Variants in SPEG observed in about 807,000 individuals in gnomAD.
SPEG encodes striated muscle preferentially expressed protein kinase.
Under a neutral mutation model 300.4 loss-of-function variants are expected in SPEG, and 114 were observed. The ratio of observed to expected loss-of-function variants is 0.38; its 90% CI spans 0.33 to 0.44. SPEG has a LOEUF of 0.44. Among genes scored for constraint, SPEG ranks in the 20% least tolerant of loss-of-function variants. The pLI, the probability that SPEG is intolerant of heterozygous loss-of-function variation, is 1.00. For synonymous variants in SPEG, 1,964 were observed against 2,018.9 expected (o/e 0.97, Z 0.73); for missense variants, 4,201 against 4,586.2 (o/e 0.92, Z 2.43).
chr2:219,488,897 G>C lies in SPEG; in HGVS notation c.8146G>C (p.Asp2716His). The C allele has an allele frequency of 6.3e-7, 1 of 1,583,588 alleles. No homozygotes were observed. The highest frequency in any genetic ancestry group is 8.6e-7 in the Non-Finnish European group (1 of 1,164,522). ...PCTYTLERRV[D>H]GESVWHPVSS... ...CACGTATACGCTGGAGCGGCGAGTG[G>C]ATGGTGAGGATGGGGCAGCTGGAGG... Residue 2716 changes from aspartate to histidine, a missense_variant, in exon 34 of 41, where the codon GAT becomes CAT. Around this residue, in one of 4 missense-constraint regions of SPEG, gnomAD observed 1,578 missense variants for 1,506.0 expected, o/e 1.05. Transcript: ENST00000312358.
In SPEG at chr2:219,473,585, C is replaced by T; in HGVS notation, c.4229C>T (p.Thr1410Ile). The T allele has an allele frequency of 6.2e-7, 1 of 1,614,238 alleles. No individual in the cohort carries two copies. The highest frequency in any genetic ancestry group is 1.3e-5 in the African/African-American group (1 of 75,074). Residue 1410 changes from threonine (T) to isoleucine (I), a missense_variant, in exon 17 of 41, where the codon ACC becomes ATC. Physicochemically the swap from Thr to Ile is moderately conservative, Grantham distance 89 (BLOSUM62 -1). This residue lies in a region of SPEG where 1,047 missense variants were observed against 1,356.8 expected (regional missense o/e 0.77). Transcript: ENST00000312358. The surrounding 1 kb of genome is among the most constrained non-coding windows in gnomAD (Gnocchi z 4.6). ...YVVEGQPASV[T>I]VTFNHVEAQV... ...GTGGAGGGACAGCCTGCCAGCGTCACCGTCACATTCAACCATGTGGAGGCC... is the reference window on the plus strand; with the variant it reads ...GTGGAGGGACAGCCTGCCAGCGTCATCGTCACATTCAACCATGTGGAGGCC...
In SPEG at chr2:219,488,492, C is replaced by T; in HGVS notation, c.7859-6C>T. On this transcript the variant is annotated splice_region_variant and splice_polypyrimidine_tract_variant and intron_variant, in intron 32 of 40. Transcript: ENST00000312358. ...AGCAGCAACTCCTGCTCCTCCCTGT[C>T]CCCAGACAAGAAGTCCTTGAGGTCA... The T allele has an allele frequency of 6.4e-7, 1 of 1,560,914 alleles. No homozygotes were observed. The highest frequency in any genetic ancestry group is 1.2e-5 in the South Asian group (1 of 83,022).
chr2:219,483,045 G>A (rs910925650), intron 29 of SPEG, 53 bp from the exon 30 acceptor site: 10 of 1,552,496 alleles, frequency 6.4e-6, no homozygotes, highest in Middle Eastern at 1.7e-4. Flanking sequence ...GCCTGGGGGG[G>A]ACAATCCTGC....
chr2:219,489,446 G>A lies in SPEG; in HGVS notation c.8428G>A (p.Ala2810Thr), dbSNP rs1302234584. The change falls in exon 36 of 41, where the codon GCT becomes ACT. Residue 2810 changes from alanine to threonine, a missense_variant. By Grantham distance (58) the Ala-to-Thr change is moderately conservative. Transcript: ENST00000312358. ...CTCACTGGCCCCACCCCTAGCTCCT[G>A]CTGCCCCCACACCCCCGTCAGTCAC... ...PTSLAPPLAP[A>T]APTPPSVTVS... is the part of the protein sequence containing the mutation. 1 of 1,608,548 alleles carries A rather than the reference G, an allele frequency of 6.2e-7. No individual in the cohort carries two copies. The highest frequency in any genetic ancestry group is 2.2e-5 in the East Asian group (1 of 44,684).
chr2:219,493,376 G>T lies in SPEG; in HGVS notation c.*590G>T. 2.8e-6 allele frequency: 1 copy of T among 360,600 alleles called. No homozygotes were observed. Among genetic ancestry groups the T allele is most frequent in the Non-Finnish European group, 5.5e-6 (1 of 181,118 alleles). 22.3% of individuals were successfully genotyped at this position (360,600 alleles called of 1,614,324 possible). A position where few individuals can be genotyped will look rare whatever the true frequency, so the allele number is the denominator to read the frequency against. On this transcript the variant is annotated 3_prime_UTR_variant, in exon 41 of 41. Coordinates refer to ENST00000312358, the MANE Select transcript of SPEG (RefSeq NM_005876.5). ...CAGAGGAGAAATGTGGAGAGCTGGA[G>T]GCCAGCAGTCACTCACACTCGCTCT...
chr2:219,492,161 C>A lies in SPEG; in HGVS notation c.9512C>A (p.Ala3171Asp), dbSNP rs201945260. 1.7e-4 allele frequency: 273 copies of A among 1,613,644 alleles called. No homozygotes were observed. The highest frequency in any genetic ancestry group is 2.3e-4 in the Non-Finnish European group (266 of 1,179,894). The change falls in exon 40 of 41, where the codon GCT becomes GAT. Residue 3171 changes from alanine (A) to aspartate (D), a missense_variant. By Grantham distance (126) the Ala-to-Asp change is moderately radical. Around this residue, in one of 4 missense-constraint regions of SPEG, gnomAD observed 318 missense variants for 429.5 expected, o/e 0.74. Transcript: ENST00000312358. ...GAGCCAGACCCCCAGGAAACGGAGG[C>A]TCGGATTGTGGGGGGCCGCTTTGAT... Reference protein sequence around the residue: ...FYEPDPQETEARIVGGRFDAF... With the variant: ...FYEPDPQETEDRIVGGRFDAF...
At position 219,488,251 on chromosome 2, in the gene SPEG, C is replaced by T. The variant is rs770002889; in HGVS notation, c.7799C>T (p.Ala2600Val). The change falls in exon 32 of 41, where the codon GCA (alanine) becomes GTA (valine). Residue 2600 changes from alanine (A) to valine (V), a missense_variant. Transcript: ENST00000312358. ...GACCAGGTGCTGCTGGAGGGGGAGG[C>T]AGCCACCCTGCTCTGCCTGCCAGCG... ...LKDQVLLEGE[A>V]ATLLCLPAAC... 2.5e-6 allele frequency: 4 copies of T among 1,613,296 alleles called. No homozygotes were observed. The highest frequency in any genetic ancestry group is 3.4e-6 in the Non-Finnish European group (4 of 1,179,760).
intron 1 of SPEG, among the ~76,000 whole-genome samples, chr2:219,436,943 AT>A (rs1954734939): frequency 6.6e-6 from 1 of 152,080 alleles, no homozygotes; most frequent in Non-Finnish European, 1.5e-5. Context: ...TGGGGGAGAG[AT>A]TAGGGAAGGG....
rs1689795862 is a variant in SPEG at position 219,451,968 on chromosome 2, G to A, written c.2440+161G>A. 6.6e-6 allele frequency among the ~76,000 whole-genome samples: 1 copy of A among 152,234 alleles called. No individual in the cohort carries two copies. The highest frequency in any genetic ancestry group is 2.4e-5 in the African/African-American group (1 of 41,468). ...CCTTCTGGGTGTCGGCAGCTTTGGT[G>A]AAAGCGTTTTAAATGGCCCTGGCCT... is the stretch of plus-strand genomic sequence containing the variant. On this transcript the variant is annotated intron_variant, in intron 6 of 40. Coordinates refer to ENST00000312358, the MANE Select transcript of SPEG (RefSeq NM_005876.5). The surrounding 1 kb of genome is among the most constrained non-coding windows in gnomAD (Gnocchi z 6.4).
chr2:219,473,134 T>G lies in SPEG; in HGVS notation c.4147+38T>G. ...GCTCCTGTCGGGTGGGGGTGGGAGC[T>G]GCTGGGATGGGGAATGGGGGCCCTG... is the stretch of plus-strand genomic sequence containing the variant. On this transcript the variant is annotated intron_variant, in intron 16 of 40. Transcript: ENST00000312358. This position sits in a 1 kb window ranked among gnomAD's most constrained non-coding sequence, Gnocchi z 4.6. 6.3e-7 allele frequency: 1 copy of G among 1,584,508 alleles called. No homozygotes were observed. The highest frequency in any genetic ancestry group is 1.1e-5 in the South Asian group (1 of 88,842).
In SPEG at chr2:219,464,695, G is replaced by A. The variant is rs1691096485; in HGVS notation, c.2881+87G>A. The stretch of plus-strand genomic sequence containing the variant: ...CTGCTCTCACACAGCCTCAGTTAGA[G>A]GATGCCACCACTGAAAGGGCCTTAA... On this transcript the variant is annotated intron_variant, in intron 9 of 40. Transcript: ENST00000312358. The surrounding 1 kb of genome is among the most constrained non-coding windows in gnomAD (Gnocchi z 4.5). 1 of 1,393,732 alleles carries A rather than the reference G, an allele frequency of 7.2e-7. No individual in the cohort carries two copies. The highest frequency in any genetic ancestry group is 1.0e-6 in the Non-Finnish European group (1 of 1,002,632). The allele number at this position is 1,393,732 out of a possible 1,614,324, so 86.3% of individuals were successfully genotyped here. A position where few individuals can be genotyped will look rare whatever the true frequency, so the allele number is the denominator to read the frequency against.
intron 6 of SPEG, among the ~76,000 whole-genome samples, chr2:219,457,981 T>A (rs1441515227): frequency 6.6e-6 from 1 of 152,190 alleles, no homozygotes; most frequent in Non-Finnish European, 1.5e-5. Flanking sequence ...CCACGCCCCT[T>A]ACCTGCTGCT....
In SPEG at chr2:219,472,211, G is replaced by C. The variant is rs992640351; in HGVS notation, c.3836-16G>C. Reference sequence around the variant, plus strand: ...GGGCCCTTGGACCCAGCAGACATTCGAACTGCGGCTTTCAGATGTGGTCCC... The same window carrying C: ...GGGCCCTTGGACCCAGCAGACATTCCAACTGCGGCTTTCAGATGTGGTCCC... On this transcript the variant is annotated splice_polypyrimidine_tract_variant and intron_variant, in intron 14 of 40. Transcript: ENST00000312358. 8 of 1,612,212 alleles carry C rather than the reference G, an allele frequency of 5.0e-6. No individual in the cohort carries two copies. The highest frequency in any genetic ancestry group is 6.8e-6 in the Non-Finnish European group (8 of 1,179,078).
rs141225339 is a variant in SPEG at position 219,447,254 on chromosome 2, G to A, written c.816-720G>A. 6.4e-3 allele frequency among the ~76,000 whole-genome samples: 975 copies of A among 151,940 alleles called. 6 individuals are homozygous for A. The highest frequency in any genetic ancestry group is 0.011 in the Admixed American group (173 of 15,284). On this transcript the variant is annotated intron_variant, in intron 3 of 40. Transcript: ENST00000312358. ...GTACTTCTCAGGGGGGATTTCTAAG[G>A]ACTCAAGGTAGCTTTGCCAGGGGAA...
chr2:219,490,941 A>G lies in SPEG; in HGVS notation c.9370A>G (p.Thr3124Ala), dbSNP rs2125599988. The G allele has an allele frequency of 6.2e-7, 1 of 1,612,594 alleles. No homozygotes were observed. Among genetic ancestry groups the G allele is most frequent in the Admixed American group, 1.7e-5 (1 of 59,980 alleles). Residue 3124 changes from threonine (T) to alanine (A), a missense_variant, in exon 38 of 41, where the codon ACG becomes GCG. Physicochemically the swap from Thr to Ala is moderately conservative, Grantham distance 58. Around this residue, in one of 4 missense-constraint regions of SPEG, gnomAD observed 318 missense variants for 429.5 expected, o/e 0.74. Transcript: ENST00000312358. ...TAGGCCCCTTGGCCACCGCACGGGC[A>G]CGCTGGAGTTCATGGGTGAGGGGAC... ...ALRPLGHRTG[T>A]LEFMAPEMVK... is the part of the protein sequence containing the mutation.
chr2:219,461,393 G>C (rs955720620), intron 6 of SPEG: 2 of 999,098 alleles, frequency 2.0e-6, no homozygotes, highest in Non-Finnish European at 2.4e-6. Context: ...GACCGAGGTC[G>C]GGATGTGACT....
In SPEG at chr2:219,493,437, T is replaced by C. The variant is rs1694145013; in HGVS notation, c.*651T>C. On this transcript the variant is annotated 3_prime_UTR_variant, in exon 41 of 41. Transcript: ENST00000312358. ...CCAGTGGATACAGCCCTGGGCGCTC[T>C]GCTGGCCCAAGGATGTCCCCACTGC... 4 of 413,586 alleles carry C rather than the reference T, an allele frequency of 9.7e-6. No homozygotes were observed. Among genetic ancestry groups the C allele is most frequent in the Middle Eastern group, 3.8e-4 (1 of 2,618 alleles). The allele number at this position is 413,586 out of a possible 1,614,324, so 25.6% of individuals were successfully genotyped here. A position where few individuals can be genotyped will look rare whatever the true frequency, so the allele number is the denominator to read the frequency against.
Position 219,490,724 on chromosome 2 carries a change from C to T in SPEG, c.9162-9C>T. 1 of 1,613,770 alleles carries T rather than the reference C, an allele frequency of 6.2e-7. No individual in the cohort carries two copies. The highest frequency in any genetic ancestry group is 8.5e-7 in the Non-Finnish European group (1 of 1,179,758). ...CCGGGTATCATCTGCTCCATCCCTG[C>T]CCTCCCAGGTTCCGGTATTCTGAGG... On this transcript the variant is annotated splice_polypyrimidine_tract_variant and intron_variant, in intron 37 of 40. Coordinates refer to ENST00000312358, the MANE Select transcript of SPEG (RefSeq NM_005876.5).
At chr2:219,463,113 G>A (rs945304588) in intron 8 of SPEG, among the ~76,000 whole-genome samples, 2 of 151,920 alleles carry the variant, frequency 1.3e-5, no homozygotes, top group African/African-American at 4.8e-5. Context: ...ATGAGGGTGA[G>A]GAGGAGGATC....
Sources: allele counts gnomAD v4.1 joint callset (sites outside exome capture counted in the v4.1 genomes callset), GRCh38; gene constraint gnomAD v4.1.1; regional missense constraint gnomAD v4.1.1; non-coding constraint Gnocchi (gnomAD v3.1); transcripts MANE v1.5; gene names NCBI Gene and HGNC (gene_info 2026-07-23, HGNC 2026-07-21).